ZSCAN23: variants seen among roughly 807,000 people sequenced by gnomAD.
ZSCAN23 encodes zinc finger and SCAN domain containing 23, also known as zinc finger and SCAN domain-containing protein 23.
A neutral mutation model predicts 19.3 loss-of-function variants in ZSCAN23; 19 were observed. The ratio of observed to expected loss-of-function variants is 0.99; its 90% CI spans 0.69 to 1.45. ZSCAN23 has a LOEUF of 1.45. Among genes scored for constraint, ZSCAN23 ranks in the 40% most tolerant of loss-of-function variants. ZSCAN23 has a pLI of 0.00. For synonymous variants in ZSCAN23, 140 were observed against 166.2 expected (o/e 0.84, Z 1.21); for missense variants, 372 against 462.5 (o/e 0.80, Z 1.79).
Position 28,434,830 on chromosome 6 carries a change from T to G in ZSCAN23, c.805A>C (p.Arg269=). 1 of 1,593,124 alleles carries G rather than the reference T, an allele frequency of 6.3e-7. No individual in the cohort carries two copies. Among genetic ancestry groups the G allele is most frequent in the Admixed American group, 1.8e-5 (1 of 56,102 alleles). The stretch of plus-strand genomic sequence containing the variant: ...TAAGGCTTCTCACCTGTGTGTGTTC[T>G]CTGGTGCTCGATAAGGATGGAATTC... ...TQNSILIEHQ[R]THTGEKPYEC... The change falls in exon 4 of 4, where the codon AGA becomes CGA. Residue 269 remains arginine (R), a synonymous_variant. Transcript: ENST00000289788.
the ZSCAN23 span, among the ~76,000 whole-genome samples, chr6:28,423,006 G>A: frequency 6.6e-6 from 1 of 152,196 alleles, no homozygotes; most frequent in Admixed American, 6.5e-5. Context: ...AGTCCTATGA[G>A]GCTGCCAGAT....
intron 1 of ZSCAN23, among the ~76,000 whole-genome samples, chr6:28,441,833 T>G (rs1762007288): frequency 6.6e-6 from 1 of 150,872 alleles, no homozygotes; most frequent in East Asian, 2.0e-4. Flanking sequence ...AAGCAGAAGG[T>G]AGTATGAGAT....
chr6:28,437,027 C>T (rs1013332855), intron 1 of ZSCAN23, among the ~76,000 whole-genome samples: 9 of 152,086 alleles, frequency 5.9e-5, no homozygotes, highest in Non-Finnish European at 8.8e-5. Context: ...AAAGATAAAA[C>T]GAGGATAATG....
intron 1 of ZSCAN23, among the ~76,000 whole-genome samples, 192 bp downstream of exon 1, chr6:28,443,206 TA>T (rs1274692088): frequency 6.6e-6 from 1 of 151,914 alleles, no homozygotes; most frequent in Non-Finnish European, 1.5e-5. Context: ...GGGAAAGGGG[TA>T]GGGGCAACGA....
At chr6:28,431,314 C>T (rs922192672), downstream of ZSCAN23, among the ~76,000 whole-genome samples, 4 of 152,114 alleles carry the variant, frequency 2.6e-5, no homozygotes, top group African/African-American at 7.2e-5. Flanking sequence ...TGAAAAAATA[C>T]TGCCTATTGC....
At chr6:28,423,208 G>A in the ZSCAN23 span, among the ~76,000 whole-genome samples, 2 of 152,324 alleles carry the variant, frequency 1.3e-5, no homozygotes, top group East Asian at 3.9e-4. Flanking sequence ...CACAGACAAA[G>A]AGGGGAAAAT....
rs1185373889 is a variant in ZSCAN23 at position 28,434,903 on chromosome 6, TG to T, written c.731del (p.Ser244Ter). ...CACTACAGATATAGGGTCTCTCCAC[TG>T]AAGAGCTCACCCTTTGCTTTTCCAA... ...GRLEKQRVSS[S>X]VERPYICSEC... is the part of the protein sequence containing the mutation. On this transcript the variant is annotated frameshift_variant, in exon 4 of 4. Coordinates refer to ENST00000289788, the MANE Select transcript of ZSCAN23 (RefSeq NM_001012455.2). LOFTEE classifies it low-confidence loss of function (END_TRUNC). The T allele has an allele frequency of 4.5e-6, 7 of 1,553,126 alleles. No homozygotes were observed. Among genetic ancestry groups the T allele is most frequent in the Non-Finnish European group, 6.1e-6 (7 of 1,147,864 alleles).
intron 1 of ZSCAN23, among the ~76,000 whole-genome samples, chr6:28,443,132 G>A (rs1214853819): frequency 6.6e-6 from 1 of 152,200 alleles, no homozygotes; most frequent in Non-Finnish European, 1.5e-5. Flanking sequence ...CAGATACGGA[G>A]AGTTCAGAGT....
chr6:28,436,538 A>G (rs1478443561), intron 1 of ZSCAN23, among the ~76,000 whole-genome samples, 195 bp from the exon 2 acceptor site: 1 of 152,204 alleles, frequency 6.6e-6, no homozygotes, highest in Non-Finnish European at 1.5e-5. Context: ...AAACGCCTAC[A>G]GTTTTCTGAA....
chr6:28,425,062 G>T, the ZSCAN23 span, among the ~76,000 whole-genome samples: 1 of 152,098 alleles, frequency 6.6e-6, no homozygotes, highest in African/African-American at 2.4e-5. Context: ...TTGATCTGTG[G>T]GCTGTGGAAT....
the ZSCAN23 span, among the ~76,000 whole-genome samples, chr6:28,424,321 C>T: frequency 6.6e-6 from 1 of 152,214 alleles, no homozygotes; most frequent in African/African-American, 2.4e-5. Context: ...GAGTCATAAT[C>T]TTTGAGGCTG....
At chr6:28,421,656 G>C in the ZSCAN23 span, among the ~76,000 whole-genome samples, 1 of 152,124 alleles carries the variant, frequency 6.6e-6, no homozygotes, top group Non-Finnish European at 1.5e-5. Context: ...ACAATTTACA[G>C]AAAATACAGA....
intron 1 of ZSCAN23, among the ~76,000 whole-genome samples, chr6:28,443,026 C>A (rs1449757210): frequency 6.6e-6 from 1 of 152,176 alleles, no homozygotes; most frequent in South Asian, 2.1e-4. Flanking sequence ...TTAAAACTAT[C>A]CCTGCTCATT....
At chr6:28,443,060 G>A (rs1044643254) in intron 1 of ZSCAN23, among the ~76,000 whole-genome samples, 1 of 152,194 alleles carries the variant, frequency 6.6e-6, no homozygotes, top group African/African-American at 2.4e-5. Context: ...CCACAGTAGA[G>A]AATAAGACAT....
rs779434222 is a variant in ZSCAN23 at position 28,435,599 on chromosome 6, G to A, written c.417C>T (p.Ser139=). Residue 139 remains serine, a synonymous_variant, in exon 3 of 4, where the codon AGC becomes AGT. Coordinates refer to ENST00000289788, the MANE Select transcript of ZSCAN23 (RefSeq NM_001012455.2). ...ELDDPGEQVL[S]HAHEQEEFVK... ...CAAACTCTTCCTGTTCATGAGCATG[G>A]CTCAGGACCTGGTGGAAATCAAGGA... 1.9e-6 allele frequency: 3 copies of A among 1,550,742 alleles called. No homozygotes were observed. The highest frequency in any genetic ancestry group is 2.6e-6 in the Non-Finnish European group (3 of 1,146,778).
At position 28,443,432 on chromosome 6, in the gene ZSCAN23, C is replaced by T. The variant is rs1454596399; in HGVS notation, c.-111G>A. 6.6e-6 allele frequency: 1 copy of T among 152,292 alleles called. No individual in the cohort carries two copies. The highest frequency in any genetic ancestry group is 1.5e-5 in the Non-Finnish European group (1 of 68,098). 9.4% of individuals were successfully genotyped at this position (152,292 alleles called of 1,614,324 possible). A position where few individuals can be genotyped will look rare whatever the true frequency, so the allele number is the denominator to read the frequency against. On this transcript the variant is annotated 5_prime_UTR_variant, in exon 1 of 4. Coordinates refer to ENST00000289788, the MANE Select transcript of ZSCAN23 (RefSeq NM_001012455.2). The stretch of plus-strand genomic sequence containing the variant: ...CCGTGAGAGGAGATGCCACCTAGCG[C>T]AGATCACATCTGCTCTGAATCCTTG...
Position 28,434,950 on chromosome 6 carries a change from T to C in ZSCAN23, c.685A>G (p.Thr229Ala). 6.4e-7 allele frequency: 1 copy of C among 1,551,938 alleles called. No homozygotes were observed. The highest frequency in any genetic ancestry group is 8.7e-7 in the Non-Finnish European group (1 of 1,147,068). ...TCCAATCTGCCCTCACGGTCACAGG[T>C]ATCTCCATACTCAGGAATCTGAGTA... ...NITQIPEYGDTCDREGRLEKQ... is the reference protein window; with the variant it reads ...NITQIPEYGDACDREGRLEKQ... Residue 229 changes from threonine to alanine, a missense_variant, in exon 4 of 4, where the codon ACC (threonine) becomes GCC (alanine). By Grantham distance (58) the Thr-to-Ala change is moderately conservative. Transcript: ENST00000289788.
At position 28,434,516 on chromosome 6, in the gene ZSCAN23, A is replaced by C; in HGVS notation, c.1119T>G (p.His373Gln). 1 of 1,551,990 alleles carries C rather than the reference A, an allele frequency of 6.4e-7. No homozygotes were observed. The highest frequency in any genetic ancestry group is 8.7e-7 in the Non-Finnish European group (1 of 1,146,980). Residue 373 changes from histidine to glutamine, a missense_variant, in exon 4 of 4, where the codon CAT becomes CAG. By Grantham distance (24) the His-to-Gln change is conservative. Coordinates refer to ENST00000289788, the MANE Select transcript of ZSCAN23 (RefSeq NM_001012455.2). ...CTTTCCGATGCTGGATTAGGTTGCA[A>C]TGGTAAATGAAGTTCTTGCCACATT... ...CEECGKNFIY[H>Q]CNLIQHRKVH...
chr6:28,438,360 G>A (rs911775339), intron 1 of ZSCAN23, among the ~76,000 whole-genome samples: 1 of 152,178 alleles, frequency 6.6e-6, no homozygotes, highest in African/African-American at 2.4e-5. Flanking sequence ...GCCTCCCAAT[G>A]TGCTGGGATT....
Sources: gnomAD v4.1 joint callset for allele counts (sites outside exome capture counted in the v4.1 genomes callset) on GRCh38, gnomAD v4.1.1 for gene constraint, MANE v1.5 for transcripts, NCBI Gene and HGNC (gene_info 2026-07-23, HGNC 2026-07-21) for gene names.